Variants in SLC39A11 observed in about 807,000 individuals in gnomAD.
SLC39A11 encodes zinc transporter ZIP11.
SLC39A11 carries 33 observed loss-of-function variants against 36.1 expected under a neutral mutation model. The observed-to-expected ratio is 0.91, with a 90% CI of 0.69 to 1.22. SLC39A11 has a LOEUF of 1.22. SLC39A11 is among the 50% of genes most tolerant of loss of function. The probability of loss-of-function intolerance (pLI) is 0.00; values close to 1 mark genes in which losing one functional copy is unlikely to be tolerated. For missense variants in SLC39A11, 432 were observed against 430.3 expected, an observed-to-expected ratio of 1.00 and a Z score of -0.03; for synonymous variants, 166 against 170.3, an observed-to-expected ratio of 0.97 and a Z score of 0.20.
At chr17:72,973,128 CAT>C (rs2087580044) in intron 4 of SLC39A11, among the ~76,000 whole-genome samples, 1 of 151,450 alleles carries the variant, frequency 6.6e-6, no homozygotes, top group African/African-American at 2.4e-5. Context: ...CAAACAATAA[CAT>C]AGAAAAATTA....
At position 72,734,860 on chromosome 17, in the gene SLC39A11, C is replaced by T. The variant is rs144065784; in HGVS notation, c.671+1790G>A. Reference sequence around the variant, plus strand: ...CCTTTGAATGTTTATAAGGTCACACCCTCTGGGCTCTTCAGCCCCGTGGAT... The same window carrying T: ...CCTTTGAATGTTTATAAGGTCACACTCTCTGGGCTCTTCAGCCCCGTGGAT... On this transcript the variant is annotated intron_variant, in intron 7 of 9. Coordinates refer to ENST00000255559, the MANE Select transcript of SLC39A11 (RefSeq NM_139177.4). Among the ~76,000 whole-genome samples the T allele has an allele frequency of 4.7e-3, 717 of 152,230 alleles. 14 individuals are homozygous for T. Among genetic ancestry groups the T allele is most frequent in the Admixed American group, 0.036 (555 of 15,298 alleles).
chr17:72,719,597 C>T (rs114128536), intron 7 of SLC39A11, among the ~76,000 whole-genome samples: 3,573 of 152,222 alleles, frequency 0.023, 151 homozygotes, highest in African/African-American at 0.08. Context: ...TTGGGGAGGA[C>T]GGACAGGGCA....
intron 4 of SLC39A11, among the ~76,000 whole-genome samples, chr17:72,982,907 A>G (rs2088435648): frequency 6.6e-6 from 1 of 152,332 alleles, no homozygotes; most frequent in East Asian, 1.9e-4. Context: ...TGTTTGGAGT[A>G]TAATGGGCAG....
intron 5 of SLC39A11, among the ~76,000 whole-genome samples, chr17:72,891,780 CTATT>C (rs527684383): frequency 2.6e-5 from 4 of 151,254 alleles, no homozygotes; most frequent in African/African-American, 4.8e-5. Flanking sequence ...GATTTTATTA[CTATT>C]TATTACTATT....
intron 6 of SLC39A11, among the ~76,000 whole-genome samples, chr17:72,827,072 A>G (rs1328974159): frequency 6.6e-6 from 1 of 152,270 alleles, no homozygotes; most frequent in Non-Finnish European, 1.5e-5. Context: ...CACTATTCAT[A>G]ATAGTCCAAC....
intron 3 of SLC39A11, among the ~76,000 whole-genome samples, chr17:73,038,761 G>A (rs1056742525): frequency 7.9e-6 from 1 of 126,214 alleles, no homozygotes; most frequent in Non-Finnish European, 1.7e-5. Flanking sequence ...GAGGGAGGGA[G>A]GAGGGATGGA....
intron 5 of SLC39A11, among the ~76,000 whole-genome samples, chr17:72,932,578 A>G (rs2084483519): frequency 6.6e-6 from 1 of 152,008 alleles, no homozygotes; most frequent in Admixed American, 6.6e-5. Flanking sequence ...CAATGACTCA[A>G]TAAGAATCCA....
At chr17:72,925,079 G>A (rs2083961481) in intron 5 of SLC39A11, among the ~76,000 whole-genome samples, 1 of 151,474 alleles carries the variant, frequency 6.6e-6, no homozygotes, top group Non-Finnish European at 1.5e-5. Flanking sequence ...CCTATCCCAA[G>A]GCAGGTGGGC....
chr17:73,028,122 T>A (rs911424902), intron 4 of SLC39A11, among the ~76,000 whole-genome samples: 6 of 152,284 alleles, frequency 3.9e-5, no homozygotes, highest in African/African-American at 1.2e-4. Flanking sequence ...GACTCCATCA[T>A]CAGGGGAATG....
chr17:72,982,198 C>T (rs1157659084), intron 4 of SLC39A11, among the ~76,000 whole-genome samples: 1 of 151,960 alleles, frequency 6.6e-6, no homozygotes, highest in African/African-American at 2.4e-5. Flanking sequence ...TGGATAAAGA[C>T]ATTCTCAAAC....
chr17:72,704,041 C>T (rs2072774895), intron 7 of SLC39A11, among the ~76,000 whole-genome samples: 1 of 152,194 alleles, frequency 6.6e-6, no homozygotes, highest in African/African-American at 2.4e-5. Context: ...GCCATGAGAA[C>T]CACTCGAACC....
At chr17:72,789,698 A>C (rs943398111) in intron 6 of SLC39A11, among the ~76,000 whole-genome samples, 8 of 152,210 alleles carry the variant, frequency 5.3e-5, no homozygotes, top group Non-Finnish European at 5.9e-5. Flanking sequence ...TAGTTATAAG[A>C]AAGAACCTTT....
intron 7 of SLC39A11, among the ~76,000 whole-genome samples, chr17:72,719,262 C>T (rs1369987637): frequency 1.3e-5 from 2 of 152,038 alleles, no homozygotes; most frequent in African/African-American, 4.8e-5. Flanking sequence ...AATCCTGAAT[C>T]TGCCTCTTAC....
rs529958816 is a variant in SLC39A11 at position 72,905,090 on chromosome 17, A to G, written c.430+42662T>C. 3.3e-3 allele frequency among the ~76,000 whole-genome samples: 484 copies of G among 145,300 alleles called. 3 individuals are homozygous for G. The highest frequency in any genetic ancestry group is 4.9e-3 in the Non-Finnish European group (329 of 66,674). The stretch of plus-strand genomic sequence containing the variant: ...TGGGAGGCTGAGGCAGAAGAATGGC[A>G]TGAACCCGGGAAGCGGAGCTTGCAG... On this transcript the variant is annotated intron_variant, in intron 5 of 9. Coordinates refer to ENST00000255559, the MANE Select transcript of SLC39A11 (RefSeq NM_139177.4).
At chr17:72,784,043 GC>G (rs2076415243) in intron 6 of SLC39A11, among the ~76,000 whole-genome samples, 2 of 152,090 alleles carry the variant, frequency 1.3e-5, no homozygotes, top group African/African-American at 4.8e-5. Flanking sequence ...TATGAATGAA[GC>G]CTTGAAAGGA....
chr17:73,049,797 A>G lies in SLC39A11; in HGVS notation c.148-18083T>C, dbSNP rs117759477. On this transcript the variant is annotated intron_variant, in intron 3 of 9. Transcript: ENST00000255559. ...ATAAACAAGAAAGCAAACAGACAAG[A>G]AACTCAAGAGAACGAGGAATGACAT... is the stretch of plus-strand genomic sequence containing the variant. 3.8e-3 allele frequency among the ~76,000 whole-genome samples: 572 copies of G among 152,288 alleles called. 24 individuals carry two copies. In the South Asian group the frequency reaches 0.075, roughly 20 times the overall value.
At chr17:72,897,617 A>G (rs1442737826) in intron 5 of SLC39A11, among the ~76,000 whole-genome samples, 1 of 152,068 alleles carries the variant, frequency 6.6e-6, no homozygotes, top group East Asian at 2.0e-4. Context: ...GTCTAATATC[A>G]TGGTGATGTC....
rs533203251 is a variant in SLC39A11, at chr17:72,655,224, C to T, written c.672-5956G>A. Among the ~76,000 whole-genome samples the T allele has an allele frequency of 4.6e-5, 7 of 152,356 alleles. No homozygotes were observed. The East Asian group carries it at 5.8e-4, about 13-fold the overall frequency. On this transcript the variant is annotated intron_variant, in intron 7 of 9. Coordinates refer to ENST00000255559, the MANE Select transcript of SLC39A11 (RefSeq NM_139177.4). ...CTAACTGGGCTCTCCTCCACACACCCGTGCACACGCACAGGCCCATCCAAG... is the reference window on the plus strand; with the variant it reads ...CTAACTGGGCTCTCCTCCACACACCTGTGCACACGCACAGGCCCATCCAAG...
intron 6 of SLC39A11, among the ~76,000 whole-genome samples, chr17:72,802,994 C>A (rs962192560): frequency 3.3e-5 from 5 of 152,240 alleles, no homozygotes; most frequent in Non-Finnish European, 7.3e-5. Flanking sequence ...GGCAAGCATG[C>A]AGCCTTGTGA....
Sources: allele counts gnomAD v4.1 joint callset (sites outside exome capture counted in the v4.1 genomes callset), GRCh38; gene constraint gnomAD v4.1.1; transcripts MANE v1.5; gene names NCBI Gene and HGNC (gene_info 2026-07-23, HGNC 2026-07-21).